The following SEC23A variants were observed in gnomAD, a reference collection of about 807,000 sequenced individuals.
SEC23A encodes SEC23 homolog A, COPII component.
Under a neutral mutation model 103.7 loss-of-function variants are expected in SEC23A, and 56 were observed. That is an observed-to-expected ratio of 0.54 (90% CI 0.44 to 0.67). The LOEUF is 0.67. Among genes scored for constraint, SEC23A ranks in the 30% least tolerant of loss-of-function variants. The pLI is 0.00. For missense variants in SEC23A, 784 were observed against 936.4 expected (o/e 0.84, Z 2.12); for synonymous variants, 281 against 293.0 (o/e 0.96, Z 0.42).
rs1306141517 is a variant in SEC23A at position 39,033,200 on chromosome 14, T to C, written c.*39A>G. The C allele has an allele frequency of 5.7e-6, 8 of 1,400,862 alleles. No individual in the cohort carries two copies. Among genetic ancestry groups the C allele is most frequent in the Non-Finnish European group, 8.1e-6 (8 of 985,860 alleles). 86.8% of individuals were successfully genotyped at this position (1,400,862 alleles called of 1,614,324 possible). ...AAAGGAAAAAATGAAATTTGAATATTATTTCATCTTCTTAAGTGTCTTTAA... is the reference window on the plus strand; with the variant it reads ...AAAGGAAAAAATGAAATTTGAATATCATTTCATCTTCTTAAGTGTCTTTAA... On this transcript the variant is annotated 3_prime_UTR_variant, in exon 20 of 20. Transcript: ENST00000307712.
intron 7 of SEC23A, among the ~76,000 whole-genome samples, chr14:39,079,586 G>T (rs1370030621): frequency 6.6e-6 from 1 of 152,148 alleles, no homozygotes; most frequent in East Asian, 1.9e-4. Flanking sequence ...TTGGGAGGAT[G>T]AGGTGGGCGG....
chr14:39,056,239 G>A (rs1480106849), intron 13 of SEC23A, among the ~76,000 whole-genome samples: 1 of 152,162 alleles, frequency 6.6e-6, no homozygotes. Context: ...TTAATCCACT[G>A]GTTCTGAGTG....
chr14:39,094,552 T>C (rs1490074300), intron 2 of SEC23A, among the ~76,000 whole-genome samples: 1 of 150,490 alleles, frequency 6.6e-6, no homozygotes, highest in Non-Finnish European at 1.5e-5. Flanking sequence ...CGTGAGCTAC[T>C]GCACCCAGCC....
At chr14:39,039,752 G>C (rs551404394) in intron 18 of SEC23A, 24 of 152,306 alleles carry the variant, frequency 1.6e-4, no homozygotes, top group Non-Finnish European at 2.6e-4. Context: ...TAACAGTGAA[G>C]AGCACTGGCC....
At chr14:39,090,688 G>C (rs1267717656) in intron 5 of SEC23A, among the ~76,000 whole-genome samples, 1 of 151,988 alleles carries the variant, frequency 6.6e-6, no homozygotes, top group Non-Finnish European at 1.5e-5. Context: ...GACCACACTG[G>C]GGTGAGACCC....
Position 39,096,013 on chromosome 14 carries a change from C to T in SEC23A, c.106G>A (p.Val36Ile), listed in dbSNP as rs751593174. 6.2e-6 allele frequency: 10 copies of T among 1,613,912 alleles called. No individual in the cohort carries two copies. Among genetic ancestry groups the T allele is most frequent in the Non-Finnish European group, 8.5e-6 (10 of 1,179,790 alleles). The change falls in exon 2 of 20, where the codon GTT becomes ATT. Residue 36 changes from valine (V) to isoleucine (I), a missense_variant. Coordinates refer to ENST00000307712, the MANE Select transcript of SEC23A (RefSeq NM_006364.4). ...GGTGTAAACAGGGCTGCCACAGGAA[C>T]AACCATTCTTGTAGCTTCCAGTCGA... is the stretch of plus-strand genomic sequence containing the variant. The part of the protein sequence containing the change: ...SSRLEATRMV[V>I]PVAALFTPLK...
At chr14:39,094,440 ATATTTTTTTTTT>A (rs1887816100) in intron 2 of SEC23A, among the ~76,000 whole-genome samples, 1 of 13,086 alleles carries the variant, frequency 7.6e-5, no homozygotes, top group Non-Finnish European at 1.2e-4. Flanking sequence ...ATATATATAT[ATATTTTTTTTTT>A]TTTTTTTTCC....
intron 1 of SEC23A, among the ~76,000 whole-genome samples, chr14:39,097,172 G>C (rs528471446): frequency 2.2e-4 from 34 of 152,302 alleles, no homozygotes; most frequent in Admixed American, 1.5e-3. Context: ...TGCACTCTGG[G>C]GAGGGACCAG....
In SEC23A at chr14:39,066,021, A is replaced by C. The variant is rs932380256; in HGVS notation, c.1228-1028T>G. Among the ~76,000 whole-genome samples, 142 of 141,972 alleles carry C rather than the reference A, an allele frequency of 1.0e-3. 1 individual carries two copies. Among genetic ancestry groups the C allele is most frequent in the Admixed American group, 1.8e-3 (26 of 14,236 alleles). The allele number at this position is 141,972 out of a possible 152,430, so 93.1% of individuals were successfully genotyped here. On this transcript the variant is annotated intron_variant, in intron 10 of 19. Transcript: ENST00000307712. Reference sequence around the variant, plus strand: ...TCAAAAAAAAAAAAAAAAAAAAAAAAAAAAAAAAAAAACTATAAGTCACAC... The same window carrying C: ...TCAAAAAAAAAAAAAAAAAAAAAAACAAAAAAAAAAAACTATAAGTCACAC...
In SEC23A at chr14:39,056,223, C is replaced by T. The variant is rs559957614; in HGVS notation, c.1506-927G>A. On this transcript the variant is annotated intron_variant, in intron 13 of 19. Coordinates refer to ENST00000307712, the MANE Select transcript of SEC23A (RefSeq NM_006364.4). ...CTGTCTTTGTTCAGGGCCCAGTCTT[C>T]GGATGTTAATCCACTGGTTCTGAGT... Among the ~76,000 whole-genome samples the T allele has an allele frequency of 9.2e-5, 14 of 152,292 alleles. No individual in the cohort carries two copies. In the South Asian group the frequency reaches 1.7e-3, roughly 18 times the overall value.
intron 5 of SEC23A, chr14:39,087,978 T>C (rs1300416329): frequency 1.3e-5 from 2 of 152,224 alleles, no homozygotes; most frequent in South Asian, 2.1e-4. Context: ...CAAAGCAAGA[T>C]TTTAAATCCA....
In SEC23A at chr14:39,055,216, A is replaced by G. The variant is rs1416328955; in HGVS notation, c.1586T>C (p.Leu529Pro). Residue 529 changes from leucine to proline, a missense_variant, in exon 14 of 20, where the codon CTA (leucine) becomes CCA (proline). Physicochemically the swap from Leu to Pro is moderately conservative, Grantham distance 98. Transcript: ENST00000307712. ...TTCTGTTTCTGCTCTATATATTGCT[A>G]GCCGGGCCATAAGAATGGCAGCTGC... Reference protein sequence around the residue: ...QEAAAILMARLAIYRAETEEG... With the variant: ...QEAAAILMARPAIYRAETEEG... 2 of 1,614,050 alleles carry G rather than the reference A, an allele frequency of 1.2e-6. No individual in the cohort carries two copies. The highest frequency in any genetic ancestry group is 2.2e-5 in the East Asian group (1 of 44,892).
chr14:39,044,528 TTGACC>T (rs1566482375), intron 16 of SEC23A, among the ~76,000 whole-genome samples: 1 of 152,164 alleles, frequency 6.6e-6, no homozygotes, highest in Admixed American at 6.5e-5. Context: ...TCTCTTTATA[TTGACC>T]TTACTATTTT....
rs1472246927 is a variant in SEC23A at position 39,055,266 on chromosome 14, G to A, written c.1536C>T (p.Asn512=). The change falls in exon 14 of 20, where the codon AAC becomes AAT. Residue 512 remains asparagine (N), a synonymous_variant. Coordinates refer to ENST00000307712, the MANE Select transcript of SEC23A (RefSeq NM_006364.4). ...NWADAQTQIQ[N]IAASFDQEAA... ...CCTCCTGGTCAAAAGATGCAGCAAT[G>A]TTTTGGATTTGAGTTTGAGCATCTG... The A allele has an allele frequency of 2.2e-5, 35 of 1,614,128 alleles. No individual in the cohort carries two copies. Among genetic ancestry groups the A allele is most frequent in the Non-Finnish European group, 3.0e-5 (35 of 1,180,014 alleles).
chr14:39,054,839 A>C (rs1886186776), intron 14 of SEC23A, among the ~76,000 whole-genome samples: 1 of 152,252 alleles, frequency 6.6e-6, no homozygotes, highest in Non-Finnish European at 1.5e-5. Context: ...AGCACTAAAA[A>C]TTGTTACAAT....
At position 39,033,176 on chromosome 14, in the gene SEC23A, A is replaced by G. The variant is rs1885354663; in HGVS notation, c.*63T>C. The G allele has an allele frequency of 1.6e-6, 2 of 1,282,674 alleles. No homozygotes were observed. Among genetic ancestry groups the G allele is most frequent in the African/African-American group, 2.9e-5 (2 of 68,342 alleles). The allele number at this position is 1,282,674 out of a possible 1,614,324, so 79.5% of individuals were successfully genotyped here. On this transcript the variant is annotated 3_prime_UTR_variant, in exon 20 of 20. Transcript: ENST00000307712. ...GTTGGTTTCCACAGATAAATGGAAA[A>G]AGGAAAAAATGAAATTTGAATATTA...
chr14:39,051,791 C>A (rs752378469), intron 14 of SEC23A, among the ~76,000 whole-genome samples: 2 of 151,818 alleles, frequency 1.3e-5, no homozygotes, highest in African/African-American at 4.8e-5. Flanking sequence ...GGTGAAATCC[C>A]GTCTCTACTA....
chr14:39,044,760 T>G (rs545165615), intron 16 of SEC23A, among the ~76,000 whole-genome samples: 3 of 152,220 alleles, frequency 2.0e-5, no homozygotes, highest in Non-Finnish European at 4.4e-5. Context: ...AACAAGAGCC[T>G]TTGTTTAGAC....
At chr14:39,097,855 CA>C (rs1199759610) in intron 1 of SEC23A, among the ~76,000 whole-genome samples, 1 of 152,036 alleles carries the variant, frequency 6.6e-6, no homozygotes, top group East Asian at 1.9e-4. Flanking sequence ...GAGGCTGAGG[CA>C]GGTGGATCAC....
Sources: allele counts gnomAD v4.1 joint callset (sites outside exome capture counted in the v4.1 genomes callset), GRCh38; gene constraint gnomAD v4.1.1; transcripts MANE v1.5; gene names NCBI Gene and HGNC (gene_info 2026-07-23, HGNC 2026-07-21).